PPM1E: variants seen among roughly 807,000 people sequenced by gnomAD.
PPM1E encodes the protein protein phosphatase, Mg2+/Mn2+ dependent 1E, also known as protein phosphatase 1E.
PPM1E carries 20 observed loss-of-function variants against 65.9 expected under a neutral mutation model. That is an observed-to-expected ratio of 0.30 (90% CI 0.21 to 0.44). The LOEUF (loss-of-function observed/expected upper bound fraction) is 0.44. PPM1E is among the 20% of genes least tolerant of loss of function. The pLI is 1.00. For missense variants in PPM1E, 713 were observed against 953.1 expected (o/e 0.75, Z 3.32); for synonymous variants, 352 against 374.9 (o/e 0.94, Z 0.70).
At chr17:58,824,284 G>A (rs1408248451) in intron 1 of PPM1E, among the ~76,000 whole-genome samples, 1 of 151,844 alleles carries the variant, frequency 6.6e-6, no homozygotes, top group Non-Finnish European at 1.5e-5. Context: ...CCTAAATATA[G>A]CAGTCTTAAT....
At chr17:58,840,098 A>T (rs989624432) in intron 1 of PPM1E, among the ~76,000 whole-genome samples, 4 of 152,234 alleles carry the variant, frequency 2.6e-5, no homozygotes, top group African/African-American at 9.6e-5. Context: ...CATGGGACAG[A>T]GTACAGGAGA....
intron 1 of PPM1E, among the ~76,000 whole-genome samples, chr17:58,881,842 CAAAAA>C (rs1315294262): frequency 6.6e-6 from 1 of 150,590 alleles, no homozygotes; most frequent in African/African-American, 2.4e-5. Flanking sequence ...GACCTTGTCT[CAAAAA>C]AGAAAAGGAA....
rs143002149 is a variant in PPM1E, at chr17:58,844,302, C to G, written c.464+87841C>G. 1.3e-4 allele frequency among the ~76,000 whole-genome samples: 20 copies of G among 151,824 alleles called. No individual in the cohort carries two copies. In the East Asian group the frequency reaches 2.5e-3, roughly 19 times the overall value. On this transcript the variant is annotated intron_variant, in intron 1 of 6. Coordinates refer to ENST00000308249, the MANE Select transcript of PPM1E (RefSeq NM_014906.5). ...GTTTCTGGTATAAAAAAAATTATAACTAATTGTAATTTATATTTCAAATGG... is the reference window on the plus strand; with the variant it reads ...GTTTCTGGTATAAAAAAAATTATAAGTAATTGTAATTTATATTTCAAATGG...
At chr17:58,937,917 G>T (rs1182700251) in intron 1 of PPM1E, among the ~76,000 whole-genome samples, 2 of 137,526 alleles carry the variant, frequency 1.5e-5, no homozygotes, top group South Asian at 2.4e-4. Flanking sequence ...AAGAAAGAAA[G>T]AAAACAAATA....
rs145228415 is a variant in PPM1E, at chr17:58,874,266, G to A, written c.465-81383G>A. On this transcript the variant is annotated intron_variant, in intron 1 of 6. Transcript: ENST00000308249. ...GGTAGTCATTGATCAAATCCTCGCT[G>A]TCCTGGGGTGATTGCTGCCAAGATT... 3.9e-5 allele frequency among the ~76,000 whole-genome samples: 6 copies of A among 152,264 alleles called. No individual in the cohort carries two copies. In the East Asian group the frequency reaches 5.8e-4, roughly 15 times the overall value.
intron 1 of PPM1E, among the ~76,000 whole-genome samples, chr17:58,888,991 A>G (rs1318349331): frequency 1.3e-5 from 2 of 152,216 alleles, no homozygotes; most frequent in African/African-American, 4.8e-5. Flanking sequence ...TCATTTCTTT[A>G]ATTTTCTCTA....
chr17:58,772,840 C>T (rs1397644940), intron 1 of PPM1E, among the ~76,000 whole-genome samples: 1 of 152,136 alleles, frequency 6.6e-6, no homozygotes, highest in African/African-American at 2.4e-5. Flanking sequence ...CTAAAAGTCA[C>T]AGACATGTCA....
intron 1 of PPM1E, among the ~76,000 whole-genome samples, chr17:58,788,251 G>A (rs955838703): frequency 1.3e-5 from 2 of 152,022 alleles, no homozygotes; most frequent in East Asian, 1.9e-4. Flanking sequence ...AGGTTTCACC[G>A]TGTTGGCAAG....
chr17:58,981,149 A>G lies in PPM1E; in HGVS notation c.*118A>G. 1.4e-6 allele frequency: 1 copy of G among 699,726 alleles called. No individual in the cohort carries two copies. 43.3% of individuals were successfully genotyped at this position (699,726 alleles called of 1,614,324 possible). A position where few individuals can be genotyped will look rare whatever the true frequency, so the allele number is the denominator to read the frequency against. ...TCATTATGAATCCATGGATGGCTCA[A>G]TTCTTAAATGTAAATAGATCTCTAG... On this transcript the variant is annotated 3_prime_UTR_variant, in exon 7 of 7. Transcript: ENST00000308249.
intron 2 of PPM1E, among the ~76,000 whole-genome samples, chr17:58,958,718 A>G (rs1205253628): frequency 1.3e-5 from 2 of 152,128 alleles, no homozygotes; most frequent in South Asian, 2.1e-4. Context: ...AGGTGACTCT[A>G]CAAGTGAGGT....
intron 1 of PPM1E, among the ~76,000 whole-genome samples, chr17:58,812,303 C>CA (rs35132799): frequency 0.11 from 5,276 of 49,724 alleles, 1,183 homozygotes; most frequent in African/African-American, 0.27. Context: ...GACTCTGTTT[C>CA]AAAAAAAAAA....
chr17:58,921,101 C>A (rs1181776299), intron 1 of PPM1E, among the ~76,000 whole-genome samples: 2 of 152,164 alleles, frequency 1.3e-5, no homozygotes, highest in African/African-American at 4.8e-5. Context: ...GCCATTGTGA[C>A]TTTAATAAGA....
intron 1 of PPM1E, among the ~76,000 whole-genome samples, chr17:58,773,815 C>T (rs1031849337): frequency 2.0e-5 from 3 of 152,090 alleles, no homozygotes; most frequent in East Asian, 1.9e-4. Flanking sequence ...CTCCTGCCCG[C>T]GCCTACTGAA....
chr17:58,928,267 A>G (rs986240421), intron 1 of PPM1E, among the ~76,000 whole-genome samples: 6 of 152,146 alleles, frequency 3.9e-5, no homozygotes, highest in African/African-American at 1.4e-4. Flanking sequence ...TATCTGGCAG[A>G]TACAACCAGA....
chr17:58,954,873 C>T (rs2029865897), intron 1 of PPM1E, among the ~76,000 whole-genome samples: 1 of 115,016 alleles, frequency 8.7e-6, no homozygotes, highest in African/African-American at 3.7e-5. Context: ...GAGCAAGAGT[C>T]TCTCTCAAAA....
At chr17:58,874,306 C>T (rs2051105556) in intron 1 of PPM1E, among the ~76,000 whole-genome samples, 1 of 152,162 alleles carries the variant, frequency 6.6e-6, no homozygotes, top group South Asian at 2.1e-4. Context: ...TTTGGATTTG[C>T]AGGCTGGTTG....
chr17:58,773,966 A>G (rs2049965922), intron 1 of PPM1E, among the ~76,000 whole-genome samples: 1 of 152,130 alleles, frequency 6.6e-6, no homozygotes, highest in South Asian at 2.1e-4. Flanking sequence ...GTTCCAGACC[A>G]GTCTGGCCAA....
At chr17:58,885,919 A>T (rs977829675) in intron 1 of PPM1E, among the ~76,000 whole-genome samples, 1 of 152,178 alleles carries the variant, frequency 6.6e-6, no homozygotes, top group Non-Finnish European at 1.5e-5. Context: ...ACAGACTTTT[A>T]TCCTGGTTTT....
chr17:58,844,142 T>A (rs2050748792), intron 1 of PPM1E, among the ~76,000 whole-genome samples: 1 of 152,182 alleles, frequency 6.6e-6, no homozygotes, highest in Admixed American at 6.5e-5. Flanking sequence ...CTGTAGGTCC[T>A]GGGATATTAG....
Sources: gnomAD v4.1 joint callset for allele counts (sites outside exome capture counted in the v4.1 genomes callset) on GRCh38, gnomAD v4.1.1 for gene constraint, MANE v1.5 for transcripts, NCBI Gene and HGNC (gene_info 2026-07-23, HGNC 2026-07-21) for gene names.